Variants in HAS3 observed in about 807,000 individuals in gnomAD.
The protein encoded by HAS3 is hyaluronan synthase 3.
Under a neutral mutation model 50.3 loss-of-function variants are expected in HAS3, and 27 were observed. That is an observed-to-expected ratio of 0.54 (90% CI 0.40 to 0.74). The LOEUF (loss-of-function observed/expected upper bound fraction) is 0.74. Among genes scored for constraint, HAS3 ranks in the 30% least tolerant of loss-of-function variants. The pLI, the probability that HAS3 is intolerant of heterozygous loss-of-function variation, is 0.00. For synonymous variants in HAS3, 339 were observed against 310.9 expected (o/e 1.09, Z -0.95); for missense variants, 517 against 742.8 (o/e 0.70, Z 3.53).
the HAS3 span, among the ~76,000 whole-genome samples, chr16:69,092,495 C>T: frequency 1.1e-4 from 16 of 150,452 alleles, no homozygotes; most frequent in Admixed American, 2.7e-4. Flanking sequence ...CCCAGCTACT[C>T]GGGAGGCTGA....
In HAS3 at chr16:69,114,238, T is replaced by C; in HGVS notation, c.739-105T>C. On this transcript the variant is annotated intron_variant, in intron 3 of 3. Coordinates refer to ENST00000569188, the MANE Select transcript of HAS3 (RefSeq NM_001199280.2). This position sits in a 1 kb window ranked among gnomAD's most constrained non-coding sequence, Gnocchi z 6.4. ...CCAAAGGAACCGATGGCCAGGAATC[T>C]AAGCAGCGGGCCACAGAAGCCATGG... 6.7e-7 allele frequency: 1 copy of C among 1,492,818 alleles called. No homozygotes were observed. Among genetic ancestry groups the C allele is most frequent in the Non-Finnish European group, 8.9e-7 (1 of 1,127,520 alleles). The allele number at this position is 1,492,818 out of a possible 1,614,324, so 92.5% of individuals were successfully genotyped here.
the HAS3 span, among the ~76,000 whole-genome samples, chr16:69,095,452 C>T: frequency 3.2e-3 from 483 of 152,192 alleles, 4 homozygotes; most frequent in African/African-American, 0.011. Context: ...TGTAAGTCTC[C>T]GCTGAGGAGA....
chr16:69,113,140 C>T (rs1961064106), intron 2 of HAS3, among the ~76,000 whole-genome samples: 1 of 152,226 alleles, frequency 6.6e-6, no homozygotes, highest in Admixed American at 6.5e-5. Context: ...TGCCGAAGGA[C>T]CCCAGAGCAA....
At chr16:69,089,233 T>G in the HAS3 span, among the ~76,000 whole-genome samples, 1 of 152,200 alleles carries the variant, frequency 6.6e-6, no homozygotes, top group Non-Finnish European at 1.5e-5. Flanking sequence ...ATTGGAGGGC[T>G]GGCTACAACA....
intron 2 of HAS3, among the ~76,000 whole-genome samples, chr16:69,111,355 A>G (rs1960996406): frequency 6.6e-6 from 1 of 151,872 alleles, no homozygotes; most frequent in South Asian, 2.1e-4. Flanking sequence ...TACAGGCGTG[A>G]GCCACCGCAC....
At chr16:69,100,157 C>G in the HAS3 span, among the ~76,000 whole-genome samples, 2 of 152,142 alleles carry the variant, frequency 1.3e-5, no homozygotes, top group African/African-American at 4.8e-5. Context: ...AACATAGCAC[C>G]TGGAAATGGT....
At chr16:69,105,997 G>C (rs998708727) in intron 1 of HAS3, among the ~76,000 whole-genome samples, 17 of 152,240 alleles carry the variant, frequency 1.1e-4, no homozygotes, top group Admixed American at 3.3e-4. Context: ...CTTCGGAGAG[G>C]GCGCAGGGGC....
intron 3 of HAS3, among the ~76,000 whole-genome samples, chr16:69,113,984 C>T (rs1961095861): frequency 6.6e-6 from 1 of 152,214 alleles, no homozygotes; most frequent in Non-Finnish European, 1.5e-5. Flanking sequence ...AACTTTCCAA[C>T]CACAGAAATC....
Position 69,114,602 on chromosome 16 carries a change from A to T in HAS3, c.998A>T (p.Tyr333Phe). Residue 333 changes from tyrosine (Y) to phenylalanine (F), a missense_variant, in exon 4 of 4, where the codon TAT (tyrosine) becomes TTT (phenylalanine). Coordinates refer to ENST00000569188, the MANE Select transcript of HAS3 (RefSeq NM_001199280.2). This position sits in a 1 kb window ranked among gnomAD's most constrained non-coding sequence, Gnocchi z 6.4. ...CTGAGCCTTGGCTACCGAACTAAGT[A>T]TACCGCGCGCTCCAAGTGCCTCACA... ...RVLSLGYRTK[Y>F]TARSKCLTET... 1 of 1,613,986 alleles carries T rather than the reference A, an allele frequency of 6.2e-7. No individual in the cohort carries two copies. Among genetic ancestry groups the T allele is most frequent in the Non-Finnish European group, 8.5e-7 (1 of 1,180,024 alleles).
At chr16:69,112,157 G>A (rs1024021390) in intron 2 of HAS3, among the ~76,000 whole-genome samples, 19 of 152,248 alleles carry the variant, frequency 1.2e-4, no homozygotes, top group African/African-American at 4.3e-4. Context: ...GACATCCCTG[G>A]ACTGAAGGAA....
Position 69,106,068 on chromosome 16 carries a change from G to C in HAS3, c.-1+281G>C, listed in dbSNP as rs1162251518. On this transcript the variant is annotated intron_variant, in intron 1 of 3. Transcript: ENST00000569188. The surrounding 1 kb of genome is among the most constrained non-coding windows in gnomAD (Gnocchi z 5.5). ...GACTAGGCGTCCCCGCCGAGCGCTGGCTTGTGGCGCTCCCTGGGACCGCGC... is the reference window on the plus strand; with the variant it reads ...GACTAGGCGTCCCCGCCGAGCGCTGCCTTGTGGCGCTCCCTGGGACCGCGC... Among the ~76,000 whole-genome samples, 3 of 152,150 alleles carry C rather than the reference G, an allele frequency of 2.0e-5. No homozygotes were observed. The highest frequency in any genetic ancestry group is 7.2e-5 in the African/African-American group (3 of 41,442).
chr16:69,105,623 C>A (rs567388105), upstream of HAS3: 5 of 152,244 alleles, frequency 3.3e-5, no homozygotes, highest in Admixed American at 3.3e-4. Context: ...ATTGTTAACA[C>A]CTTCTTTGAC....
the HAS3 span, among the ~76,000 whole-genome samples, chr16:69,090,024 G>T: frequency 6.6e-6 from 1 of 152,162 alleles, no homozygotes; most frequent in Non-Finnish European, 1.5e-5. Flanking sequence ...CTGCTGGGTC[G>T]CAGCCAGGAG....
chr16:69,097,205 G>C, the HAS3 span, among the ~76,000 whole-genome samples: 1 of 151,864 alleles, frequency 6.6e-6, no homozygotes, highest in Non-Finnish European at 1.5e-5. Flanking sequence ...AGCCGGGTGT[G>C]GTGGCTCATG....
chr16:69,116,190 C>T lies in HAS3; in HGVS notation c.*924C>T. The T allele has an allele frequency of 4.1e-6, 4 of 985,424 alleles. No individual in the cohort carries two copies. Among genetic ancestry groups the T allele is most frequent in the Non-Finnish European group, 4.8e-6 (4 of 829,846 alleles). 61.0% of individuals were successfully genotyped at this position (985,424 alleles called of 1,614,324 possible). On this transcript the variant is annotated 3_prime_UTR_variant, in exon 4 of 4. Coordinates refer to ENST00000569188, the MANE Select transcript of HAS3 (RefSeq NM_001199280.2). ...ATCTGAGGCTAAGACACACTCCCCACTTCACTTTCTTCAAAGCCACATTTT... is the reference window on the plus strand; with the variant it reads ...ATCTGAGGCTAAGACACACTCCCCATTTCACTTTCTTCAAAGCCACATTTT...
chr16:69,084,354 ATTC>A, the HAS3 span: 3 of 152,308 alleles, frequency 2.0e-5, no homozygotes, highest in Non-Finnish European at 4.4e-5. Context: ...CTCCCAGGCC[ATTC>A]TTCTTCACTC....
At position 69,115,487 on chromosome 16, in the gene HAS3, C is replaced by T; in HGVS notation, c.*221C>T. ...CCCAGATGCAGGGCTGCAGGGGATT[C>T]TGTGTTTTCAGACTGCCTGTCTGCT... is the stretch of plus-strand genomic sequence containing the variant. On this transcript the variant is annotated 3_prime_UTR_variant, in exon 4 of 4. Coordinates refer to ENST00000569188, the MANE Select transcript of HAS3 (RefSeq NM_001199280.2). The T allele has an allele frequency of 7.9e-7, 1 of 1,261,610 alleles. No individual in the cohort carries two copies. Among genetic ancestry groups the T allele is most frequent in the Non-Finnish European group, 9.9e-7 (1 of 1,005,386 alleles). 78.2% of individuals were successfully genotyped at this position (1,261,610 alleles called of 1,614,324 possible). A position where few individuals can be genotyped will look rare whatever the true frequency, so the allele number is the denominator to read the frequency against.
chr16:69,086,522 A>G, the HAS3 span, among the ~76,000 whole-genome samples: 72 of 138,422 alleles, frequency 5.2e-4, 1 homozygote, highest in African/African-American at 1.7e-3. Flanking sequence ...TTTCTATATT[A>G]TGTGTGTGTG....
At position 69,109,331 on chromosome 16, in the gene HAS3, A is replaced by C. The variant is rs553185443; in HGVS notation, c.1-65A>C. The C allele has an allele frequency of 1.0e-5, 15 of 1,502,546 alleles. No homozygotes were observed. The African/African-American group carries it at 1.8e-4, about 18-fold the overall frequency. 93.1% of individuals were successfully genotyped at this position (1,502,546 alleles called of 1,614,324 possible). On this transcript the variant is annotated intron_variant, in intron 1 of 3. Transcript: ENST00000569188. This position sits in a 1 kb window ranked among gnomAD's most constrained non-coding sequence, Gnocchi z 5.3. ...TGTCCACTAGTAACAGAGAACACCCATGCTCCCACGGACTGGAAATGCTGC... is the reference window on the plus strand; with the variant it reads ...TGTCCACTAGTAACAGAGAACACCCCTGCTCCCACGGACTGGAAATGCTGC...
Sources: gnomAD v4.1 joint callset for allele counts (sites outside exome capture counted in the v4.1 genomes callset) on GRCh38, gnomAD v4.1.1 for gene constraint, Gnocchi (gnomAD v3.1) non-coding constraint, MANE v1.5 for transcripts, NCBI Gene and HGNC (gene_info 2026-07-23, HGNC 2026-07-21) for gene names.